The following CALN1 variants were observed in gnomAD, a reference collection of about 807,000 sequenced individuals.
CALN1 encodes calneuron 1, also known as calcium-binding protein 8.
In CALN1, 17 loss-of-function variants were observed where a neutral mutation model predicts 30.6. That is an observed-to-expected ratio of 0.56 (90% CI 0.38 to 0.83). The LOEUF is 0.83. Ranked by LOEUF, CALN1 falls within the 40% of genes least tolerant of loss-of-function variation. CALN1 has a pLI of 0.00. For synonymous variants in CALN1, 156 were observed against 131.4 expected (o/e 1.19, Z -1.28); for missense variants, 291 against 354.9 (o/e 0.82, Z 1.45).
intron 5 of CALN1, among the ~76,000 whole-genome samples, chr7:72,021,669 T>C (rs1178218640): frequency 6.6e-6 from 1 of 152,170 alleles, no homozygotes; most frequent in Non-Finnish European, 1.5e-5. Context: ...TGATCCTGGA[T>C]GTCCTCTGGG....
At chr7:71,955,188 G>A (rs143062035) in intron 5 of CALN1, among the ~76,000 whole-genome samples, 86 of 152,154 alleles carry the variant, frequency 5.7e-4, no homozygotes, top group South Asian at 4.6e-3. Flanking sequence ...CAAGCGAAAC[G>A]GAAAACCCCT....
chr7:72,149,663 A>T (rs1327433413), intron 3 of CALN1, among the ~76,000 whole-genome samples: 1 of 151,572 alleles, frequency 6.6e-6, no homozygotes, highest in East Asian at 1.9e-4. Flanking sequence ...CCCATTCCCT[A>T]TTTTCAGGGA....
intron 2 of CALN1, among the ~76,000 whole-genome samples, chr7:72,291,849 T>C (rs903463754): frequency 2.0e-5 from 3 of 152,076 alleles, no homozygotes; most frequent in Non-Finnish European, 4.4e-5. Flanking sequence ...CAACCTCAAG[T>C]GATGCACCTG....
intron 4 of CALN1, among the ~76,000 whole-genome samples, chr7:72,036,357 C>T (rs1398484514): frequency 6.6e-6 from 1 of 152,102 alleles, no homozygotes; most frequent in African/African-American, 2.4e-5. Context: ...TTGTCAATCT[C>T]CTTGAATGTT....
intron 2 of CALN1, among the ~76,000 whole-genome samples, chr7:72,314,053 G>C (rs1368711795): frequency 6.6e-6 from 1 of 152,172 alleles, no homozygotes; most frequent in Non-Finnish European, 1.5e-5. Context: ...CTGGAAGCCT[G>C]CAGGCCAGCC....
At chr7:72,279,849 G>A (rs969732993) in intron 2 of CALN1, among the ~76,000 whole-genome samples, 2 of 152,222 alleles carry the variant, frequency 1.3e-5, no homozygotes, top group African/African-American at 4.8e-5. Flanking sequence ...GGACTAAGAG[G>A]ATGGATAAAC....
intron 5 of CALN1, among the ~76,000 whole-genome samples, chr7:71,859,629 G>T (rs2116650405): frequency 6.6e-6 from 1 of 152,324 alleles, no homozygotes; most frequent in South Asian, 2.1e-4. Flanking sequence ...AAACTTGAAA[G>T]AATCTATAGC....
At chr7:71,874,659 C>T (rs952267688) in intron 5 of CALN1, among the ~76,000 whole-genome samples, 10 of 152,084 alleles carry the variant, frequency 6.6e-5, no homozygotes, top group African/African-American at 9.7e-5. Flanking sequence ...TGTGATTCCC[C>T]GGGGCTAGTT....
intron 5 of CALN1, among the ~76,000 whole-genome samples, chr7:71,865,176 G>A (rs140168240): frequency 1.0e-3 from 154 of 152,274 alleles, no homozygotes; most frequent in African/African-American, 3.3e-3. Context: ...CCCCAGTGTC[G>A]GAGGTGGGGT....
At chr7:72,050,093 T>C (rs1802743119) in intron 4 of CALN1, among the ~76,000 whole-genome samples, 1 of 152,056 alleles carries the variant, frequency 6.6e-6, no homozygotes, top group Non-Finnish European at 1.5e-5. Flanking sequence ...TGCTGGGGTT[T>C]CAGGCGTGAG....
chr7:72,334,755 G>T (rs534846293), intron 2 of CALN1, among the ~76,000 whole-genome samples: 2 of 152,224 alleles, frequency 1.3e-5, no homozygotes, highest in Admixed American at 1.3e-4. Flanking sequence ...ATATCGTGAG[G>T]ATTGGATTTC....
intron 5 of CALN1, among the ~76,000 whole-genome samples, chr7:72,002,077 G>A (rs1053252321): frequency 3.3e-5 from 5 of 152,186 alleles, no homozygotes; most frequent in Non-Finnish European, 7.3e-5. Flanking sequence ...TACAGCTAAT[G>A]TGAAGGACTG....
chr7:71,946,950 G>A (rs1408952635), intron 5 of CALN1, among the ~76,000 whole-genome samples: 1 of 152,112 alleles, frequency 6.6e-6, no homozygotes, highest in Admixed American at 6.6e-5. Flanking sequence ...AAAGCACTAG[G>A]ATTATAGGCA....
intron 3 of CALN1, among the ~76,000 whole-genome samples, chr7:72,277,381 A>G (rs1229287890): frequency 6.6e-6 from 1 of 152,162 alleles, no homozygotes; most frequent in African/African-American, 2.4e-5. Flanking sequence ...CTGCACCAGC[A>G]CACCTTTTGC....
chr7:72,301,787 G>C (rs983040367), intron 2 of CALN1, among the ~76,000 whole-genome samples: 7 of 152,018 alleles, frequency 4.6e-5, no homozygotes, highest in African/African-American at 1.7e-4. Context: ...CTATAAAAGA[G>C]TTTGCAGCCA....
chr7:72,288,751 G>T (rs2129554714), intron 2 of CALN1, among the ~76,000 whole-genome samples: 1 of 152,218 alleles, frequency 6.6e-6, no homozygotes, highest in Middle Eastern at 3.4e-3. Flanking sequence ...TCATCTTTAT[G>T]TATTGGATTG....
intron 4 of CALN1, among the ~76,000 whole-genome samples, chr7:72,081,466 T>G (rs1374009988): frequency 1.0e-5 from 1 of 98,748 alleles, no homozygotes; most frequent in East Asian, 5.4e-4. Flanking sequence ...AGACAGAATC[T>G]TGCTCTGTTG....
intron 2 of CALN1, among the ~76,000 whole-genome samples, chr7:72,397,785 A>T (rs570230270): frequency 2.0e-4 from 18 of 92,082 alleles, no homozygotes; most frequent in African/African-American, 1.3e-3. Context: ...TCTAAGTATT[A>T]GCCTACCCTT....
At chr7:71,993,386 A>G (rs1186965902) in intron 5 of CALN1, among the ~76,000 whole-genome samples, 1 of 151,680 alleles carries the variant, frequency 6.6e-6, no homozygotes, top group Non-Finnish European at 1.5e-5. Flanking sequence ...GGATCACTCA[A>G]GCCAAGGAGT....
Sources: gnomAD v4.1 joint callset for allele counts (sites outside exome capture counted in the v4.1 genomes callset) on GRCh38, gnomAD v4.1.1 for gene constraint, MANE v1.5 for transcripts, NCBI Gene and HGNC (gene_info 2026-07-23, HGNC 2026-07-21) for gene names.